Variants in EPS8L1 observed in about 807,000 individuals in gnomAD.
The protein encoded by EPS8L1 is epidermal growth factor receptor kinase substrate 8-like protein 1.
EPS8L1 carries 101 observed loss-of-function variants against 91.7 expected under a neutral mutation model. That is an observed-to-expected ratio of 1.10 (90% CI 0.94 to 1.30). The LOEUF (loss-of-function observed/expected upper bound fraction) is 1.30. EPS8L1 is among the 50% of genes most tolerant of loss of function. The pLI is 0.00. For missense variants in EPS8L1, 1,114 were observed against 1,017.0 expected, an observed-to-expected ratio of 1.10 and a Z score of -1.30; for synonymous variants, 506 against 445.3, an observed-to-expected ratio of 1.14 and a Z score of -1.72.
chr19:55,087,375 G>A lies in EPS8L1; in HGVS notation c.2025G>A (p.Val675=). Residue 675 remains valine (V), a synonymous_variant, in exon 19 of 20, where the codon GTG becomes GTA. Coordinates refer to ENST00000201647, the MANE Select transcript of EPS8L1 (RefSeq NM_133180.3). ...FSLQKEELRA[V]SPEEGARVYS... is the part of the protein sequence containing the mutation. ...TGCAGAAGGAGGAGCTGCGGGCGGT[G>A]AGCCCCGAGGAGGGGGCACGTGTGT... The A allele has an allele frequency of 6.2e-7, 1 of 1,613,194 alleles. No individual in the cohort carries two copies. The highest frequency in any genetic ancestry group is 2.2e-5 in the East Asian group (1 of 44,848).
Position 55,086,537 on chromosome 19 carries a change from G to A in EPS8L1, c.1777+19G>A, listed in dbSNP as rs1054484956. On this transcript the variant is annotated intron_variant, in intron 17 of 19. Transcript: ENST00000201647. ...GAGAAGGGTGAGTGGTGGGGACGCC[G>A]GCTGCGGGGAGCGGTCCTTATCCTT... is the stretch of plus-strand genomic sequence containing the variant. 1.4e-5 allele frequency: 21 copies of A among 1,550,120 alleles called. No homozygotes were observed. Among genetic ancestry groups the A allele is most frequent in the Non-Finnish European group, 1.7e-5 (19 of 1,146,414 alleles).
intron 5 of EPS8L1, 103 bp downstream of exon 5, chr19:55,079,954 C>T (rs2076218936): frequency 2.7e-6 from 4 of 1,458,330 alleles, no homozygotes; most frequent in South Asian, 1.4e-5. Context: ...GGAACTCTGG[C>T]GAGGGACCCC....
rs1227132459 is a variant in EPS8L1 at position 55,081,327 on chromosome 19, A to T, written c.609A>T (p.Val203=). ...RPSVRAVIST[V]ERGAGRGRPQ... ...CAGTCCGCGCAGTGATCAGCACCGT[A>T]GAGCGGGGCGCGGGCCGCGGACGAC... Residue 203 remains valine (V), a synonymous_variant, in exon 8 of 20, where the codon GTA becomes GTT. Transcript: ENST00000201647. This position sits in a 1 kb window ranked among gnomAD's most constrained non-coding sequence, Gnocchi z 4.9. The T allele has an allele frequency of 6.4e-7, 1 of 1,557,142 alleles. No individual in the cohort carries two copies. Among genetic ancestry groups the T allele is most frequent in the Non-Finnish European group, 8.6e-7 (1 of 1,157,000 alleles).
chr19:55,086,348 G>C (rs764920497), intron 16 of EPS8L1, 44 bp from the exon 17 acceptor site: 4 of 1,601,562 alleles, frequency 2.5e-6, no homozygotes, highest in Non-Finnish European at 3.4e-6. Flanking sequence ...CTGGGACTCT[G>C]AGTCCTCTCC....
chr19:55,084,266 G>A (rs7254314), intron 14 of EPS8L1: 3,549 of 160,740 alleles, frequency 0.022, 137 homozygotes, highest in African/African-American at 0.079. Flanking sequence ...GTCGCTGCTG[G>A]GTGTCGGACT....
Position 55,081,266 on chromosome 19 carries a change from C to A in EPS8L1, c.548C>A (p.Pro183His). ...TQEELQRDRS[P>H]AAETPPLQRR... The stretch of plus-strand genomic sequence containing the variant: ...GAGGAGTTGCAGCGCGACCGCTCGC[C>A]CGCCGCTGAGACCCCGCCCCTGCAG... Residue 183 changes from proline to histidine, a missense_variant, in exon 8 of 20, where the codon CCC becomes CAC. Transcript: ENST00000201647. The surrounding 1 kb of genome is among the most constrained non-coding windows in gnomAD (Gnocchi z 4.9). 1 of 1,529,600 alleles carries A rather than the reference C, an allele frequency of 6.5e-7. No individual in the cohort carries two copies. The highest frequency in any genetic ancestry group is 1.4e-5 in the African/African-American group (1 of 72,846). 94.8% of individuals were successfully genotyped at this position (1,529,600 alleles called of 1,614,324 possible).
chr19:55,085,685 G>A, intron 14 of EPS8L1, 156 bp from the exon 15 acceptor site: 1 of 841,228 alleles, frequency 1.2e-6, no homozygotes, highest in Non-Finnish European at 1.8e-6. Context: ...AATATATTCA[G>A]TCTGTTATTC....
chr19:55,086,819 CG>C lies in EPS8L1; in HGVS notation c.1884del (p.Gln629SerfsTer31). On this transcript the variant is annotated frameshift_variant, in exon 18 of 20. Coordinates refer to ENST00000201647, the MANE Select transcript of EPS8L1 (RefSeq NM_133180.3). LOFTEE classifies it high-confidence loss of function. The part of the protein sequence containing the change: ...RAVPGPRAPE[P>X]QLSPGSDASE... ...GTCCCAGGGCCCCGCGCCCCGGAAC[CG>C]CAGCTCAGCCCGGGCTCGGACGCCT... The C allele has an allele frequency of 6.3e-7, 1 of 1,576,308 alleles. No homozygotes were observed. The highest frequency in any genetic ancestry group is 1.1e-5 in the South Asian group (1 of 87,564).
In EPS8L1 at chr19:55,080,503, ACATGGC is replaced by A. The variant is rs2076232075; in HGVS notation, c.429+228_429+233del. The A allele has an allele frequency of 3.1e-6, 5 of 1,613,750 alleles. No homozygotes were observed. The East Asian group carries it at 1.1e-4, about 36-fold the overall frequency. On this transcript the variant is annotated intron_variant, in intron 6 of 19. Transcript: ENST00000201647. ...AAGGTGGGATGAGGACATGAACAGA[ACATGGC>A]CAAGAAGGATCTGGGGGAGCAGCCA...
At position 55,083,582 on chromosome 19, in the gene EPS8L1, G is replaced by T; in HGVS notation, c.1357-34G>T. 6 of 1,594,444 alleles carry T rather than the reference G, an allele frequency of 3.8e-6. No individual in the cohort carries two copies. Among genetic ancestry groups the T allele is most frequent in the Non-Finnish European group, 5.1e-6 (6 of 1,170,788 alleles). ...TCCGGGGGCGCGGCCGGTCCGCCTG[G>T]CCCCGCCTGACCCGACTGTCTTACT... On this transcript the variant is annotated intron_variant, in intron 13 of 19. Coordinates refer to ENST00000201647, the MANE Select transcript of EPS8L1 (RefSeq NM_133180.3). The surrounding 1 kb of genome is among the most constrained non-coding windows in gnomAD (Gnocchi z 4.7).
chr19:55,083,839 A>T lies in EPS8L1; in HGVS notation c.1385+195A>T. ...AGCAGGGTGGGAGGGGGCGGGACCC[A>T]GACTTCTGGGGCTAAGGGAGTTGGG... On this transcript the variant is annotated intron_variant, in intron 14 of 19. Coordinates refer to ENST00000201647, the MANE Select transcript of EPS8L1 (RefSeq NM_133180.3). This position sits in a 1 kb window ranked among gnomAD's most constrained non-coding sequence, Gnocchi z 4.7. 1 of 731,728 alleles carries T rather than the reference A, an allele frequency of 1.4e-6. No individual in the cohort carries two copies. The highest frequency in any genetic ancestry group is 2.3e-6 in the Non-Finnish European group (1 of 428,328). The allele number at this position is 731,728 out of a possible 1,614,324, so 45.3% of individuals were successfully genotyped here.
chr19:55,081,240 G>C lies in EPS8L1; in HGVS notation c.522G>C (p.Gln174His). The stretch of plus-strand genomic sequence containing the variant: ...CCGTCGCCCTCCGCAGGGCCACGCA[G>C]GAGGAGTTGCAGCGCGACCGCTCGC... ...ERRAAALRATQEELQRDRSPA... is the reference protein window; with the variant it reads ...ERRAAALRATHEELQRDRSPA... Residue 174 changes from glutamine (Q) to histidine (H), a missense_variant, in exon 8 of 20, where the codon CAG becomes CAC. Physicochemically the swap from Gln to His is conservative, Grantham distance 24. Transcript: ENST00000201647. This position sits in a 1 kb window ranked among gnomAD's most constrained non-coding sequence, Gnocchi z 4.9. 1 of 1,519,192 alleles carries C rather than the reference G, an allele frequency of 6.6e-7. No individual in the cohort carries two copies. Among genetic ancestry groups the C allele is most frequent in the Non-Finnish European group, 8.7e-7 (1 of 1,144,388 alleles). The allele number at this position is 1,519,192 out of a possible 1,614,324, so 94.1% of individuals were successfully genotyped here. A position where few individuals can be genotyped will look rare whatever the true frequency, so the allele number is the denominator to read the frequency against.
chr19:55,086,214 G>A lies in EPS8L1; in HGVS notation c.1650+22G>A, dbSNP rs1728418764. 3.1e-6 allele frequency: 5 copies of A among 1,593,012 alleles called. No homozygotes were observed. In the South Asian group the frequency reaches 4.6e-5, roughly 15 times the overall value. On this transcript the variant is annotated intron_variant, in intron 16 of 19. Coordinates refer to ENST00000201647, the MANE Select transcript of EPS8L1 (RefSeq NM_133180.3). ...CCTGGTGAGCCAGCGCAGACGCTGG[G>A]ATCTTGAGGGTGGAGAGGCTGGGAC... is the stretch of plus-strand genomic sequence containing the variant.
intron 2 of EPS8L1, among the ~76,000 whole-genome samples, chr19:55,077,628 T>C (rs905809797): frequency 3.8e-4 from 50 of 132,412 alleles, no homozygotes; most frequent in Non-Finnish European, 6.1e-4. Flanking sequence ...CTCACTCTGC[T>C]GCCAGGCTGG....
rs769353422 is a variant in EPS8L1 at position 55,086,526 on chromosome 19, G to GT, written c.1777+9dup. Reference sequence around the variant, plus strand: ...TGGACCCCAGCGAGAAGGGTGAGTGGTGGGGACGCCGGCTGCGGGGAGCGG... The same window carrying GT: ...TGGACCCCAGCGAGAAGGGTGAGTGGTTGGGGACGCCGGCTGCGGGGAGCGG... On this transcript the variant is annotated intron_variant, in intron 17 of 19. Transcript: ENST00000201647. 6.4e-7 allele frequency: 1 copy of GT among 1,550,676 alleles called. No individual in the cohort carries two copies. The highest frequency in any genetic ancestry group is 1.2e-5 in the South Asian group (1 of 84,008).
Position 55,086,131 on chromosome 19 carries a change from A to G in EPS8L1, c.1589A>G (p.Asn530Ser), listed in dbSNP as rs2076349848. 1.2e-6 allele frequency: 2 copies of G among 1,607,424 alleles called. No individual in the cohort carries two copies. The highest frequency in any genetic ancestry group is 2.7e-5 in the African/African-American group (2 of 74,814). ...GGGCAGGAGGGATATGTGCCCTACAACATCCTGACACCCTACCCCGGACCC... is the reference window on the plus strand; with the variant it reads ...GGGCAGGAGGGATATGTGCCCTACAGCATCCTGACACCCTACCCCGGACCC... ...PAGQEGYVPYNILTPYPGPRL... is the reference protein window; with the variant it reads ...PAGQEGYVPYSILTPYPGPRL... Residue 530 changes from asparagine (N) to serine (S), a missense_variant, in exon 16 of 20, where the codon AAC (asparagine) becomes AGC (serine). Transcript: ENST00000201647.
At position 55,087,833 on chromosome 19, in the gene EPS8L1, G is replaced by C; in HGVS notation, c.*219G>C. 1.8e-6 allele frequency: 1 copy of C among 569,290 alleles called. No homozygotes were observed. Among genetic ancestry groups the C allele is most frequent in the Non-Finnish European group, 3.2e-6 (1 of 317,396 alleles). The allele number at this position is 569,290 out of a possible 1,614,324, so 35.3% of individuals were successfully genotyped here. ...TGGGGAGGGCGTGGAGACAGTCTAC[G>C]GAAAGCGCTAGCAGACCCCCGAGAG... On this transcript the variant is annotated 3_prime_UTR_variant, in exon 20 of 20. Coordinates refer to ENST00000201647, the MANE Select transcript of EPS8L1 (RefSeq NM_133180.3).
At chr19:55,084,763 C>G (rs892813023) in intron 14 of EPS8L1, 1 of 152,154 alleles carries the variant, frequency 6.6e-6, no homozygotes, top group Non-Finnish European at 1.5e-5. Context: ...TCACTTTCTC[C>G]GAGCCTCAAG....
Position 55,085,827 on chromosome 19 carries a change from C to T in EPS8L1, c.1386-14C>T. 1 of 1,608,442 alleles carries T rather than the reference C, an allele frequency of 6.2e-7. No individual in the cohort carries two copies. Among genetic ancestry groups the T allele is most frequent in the Admixed American group, 1.7e-5 (1 of 59,820 alleles). On this transcript the variant is annotated splice_polypyrimidine_tract_variant and intron_variant, in intron 14 of 19. Transcript: ENST00000201647. ...GGCTGCCTCCTTATCTCCAACCCTCCCGCTTCTCCTCAGTCACCGAGACTT... is the reference window on the plus strand; with the variant it reads ...GGCTGCCTCCTTATCTCCAACCCTCTCGCTTCTCCTCAGTCACCGAGACTT...
Sources: allele counts gnomAD v4.1 joint callset (sites outside exome capture counted in the v4.1 genomes callset), GRCh38; gene constraint gnomAD v4.1.1; non-coding constraint Gnocchi (gnomAD v3.1); transcripts MANE v1.5; gene names NCBI Gene and HGNC (gene_info 2026-07-23, HGNC 2026-07-21).